The following GFM1 variants were observed in gnomAD, a reference collection of about 807,000 sequenced individuals.
GFM1 encodes the protein G elongation factor mitochondrial 1.
GFM1 carries 62 observed loss-of-function variants against 96.2 expected under a neutral mutation model. The ratio of observed to expected loss-of-function variants is 0.64; its 90% confidence interval spans 0.53 to 0.80. The LOEUF is 0.80. Among genes scored for constraint, GFM1 ranks in the 30% least tolerant of loss-of-function variants. The probability of loss-of-function intolerance (pLI) is 0.00; values close to 1 mark genes in which losing one functional copy is unlikely to be tolerated. For missense variants in GFM1, 852 were observed against 916.6 expected (o/e 0.93, Z 0.91); for synonymous variants, 282 against 312.9 (o/e 0.90, Z 1.04).
At chr3:158,676,526 A>G (rs1724911523) in intron 13 of GFM1, among the ~76,000 whole-genome samples, 1 of 152,156 alleles carries the variant, frequency 6.6e-6, no homozygotes, top group South Asian at 2.1e-4. Context: ...TTGTCAGAAT[A>G]TTACATTAAA....
At chr3:158,644,894 G>A in intron 1 of GFM1, 179 bp downstream of exon 1, 1 of 615,924 alleles carries the variant, frequency 1.6e-6, no homozygotes, top group South Asian at 1.9e-5. Context: ...TAGCTCGTTT[G>A]TTTCGCTCTC....
At position 158,693,921 on chromosome 3, in the gene GFM1, GC is replaced by G. The variant is rs747185910; in HGVS notation, c.*2457del. On this transcript the variant is annotated 3_prime_UTR_variant, in exon 18 of 18. Transcript: ENST00000486715. ...GAAATATTGCCTGCACTGCGCTTAA[GC>G]CCAAGACATGAAATGAAAAATCTGT... 3.9e-5 allele frequency among the ~76,000 whole-genome samples: 6 copies of G among 152,242 alleles called. No homozygotes were observed. The highest frequency in any genetic ancestry group is 7.4e-5 in the Non-Finnish European group (5 of 68,012).
intron 12 of GFM1, 147 bp from the exon 13 acceptor site, chr3:158,666,157 C>A: frequency 1.5e-6 from 1 of 655,738 alleles, no homozygotes; most frequent in Non-Finnish European, 2.7e-6. Flanking sequence ...GTATCACATA[C>A]CTAATCCTTA....
chr3:158,685,927 A>G (rs1055624280), intron 15 of GFM1, among the ~76,000 whole-genome samples: 3 of 152,140 alleles, frequency 2.0e-5, no homozygotes, highest in Non-Finnish European at 4.4e-5. Context: ...AAAACAAATT[A>G]GAAAGTACTG....
intron 10 of GFM1, 146 bp from the exon 11 acceptor site, chr3:158,662,482 A>G: frequency 1.6e-6 from 1 of 621,326 alleles, no homozygotes; most frequent in Non-Finnish European, 2.9e-6. Context: ...TGCAAAACAG[A>G]TCAAGATATA....
intron 8 of GFM1, chr3:158,655,994 C>T (rs1722722125): frequency 2.2e-6 from 1 of 446,260 alleles, no homozygotes; most frequent in Non-Finnish European, 4.5e-6. Context: ...TGTAGAGTGT[C>T]CCTCAATTTG....
rs756079956 is a variant in GFM1 at position 158,645,750 on chromosome 3, A to C, written c.203A>C (p.Tyr68Ser). 6 of 1,612,924 alleles carry C rather than the reference A, an allele frequency of 3.7e-6. No individual in the cohort carries two copies. In the South Asian group the frequency reaches 6.6e-5, roughly 18 times the overall value. ...ACTACATTAACAGAACGAGTCCTTT[A>C]CTACACTGGCAGAATTGCAAAGATG... is the stretch of plus-strand genomic sequence containing the variant. Reference protein sequence around the residue: ...GKTTLTERVLYYTGRIAKMHE... With the variant: ...GKTTLTERVLSYTGRIAKMHE... Residue 68 changes from tyrosine to serine, a missense_variant, in exon 2 of 18, where the codon TAC (tyrosine) becomes TCC (serine). Tyr to Ser is a moderately radical substitution (Grantham distance 144, BLOSUM62 -2). Coordinates refer to ENST00000486715, the MANE Select transcript of GFM1 (RefSeq NM_024996.7).
chr3:158,674,206 T>C (rs1296756757), intron 13 of GFM1, among the ~76,000 whole-genome samples: 1 of 151,350 alleles, frequency 6.6e-6, no homozygotes, highest in Non-Finnish European at 1.5e-5. Flanking sequence ...TCAGCCTCCC[T>C]AGTATCTGGG....
intron 2 of GFM1, 99 bp downstream of exon 2, chr3:158,645,880 A>G (rs982263060): frequency 5.2e-6 from 6 of 1,152,394 alleles, no homozygotes; most frequent in Non-Finnish European, 7.8e-6. Flanking sequence ...GATTAAAACA[A>G]TGGTAACAGC....
At chr3:158,672,381 T>C in intron 13 of GFM1, 2 of 1,613,994 alleles carry the variant, frequency 1.2e-6, no homozygotes, top group Non-Finnish European at 1.7e-6. Flanking sequence ...CTTCTGCACC[T>C]CAAACACCCT....
At position 158,652,208 on chromosome 3, in the gene GFM1, T is replaced by C. The variant is rs1576732256; in HGVS notation, c.802T>C (p.Phe268Leu). Residue 268 changes from phenylalanine to leucine, a missense_variant, in exon 6 of 18, where the codon TTT becomes CTT. By Grantham distance (22) the Phe-to-Leu change is conservative. Transcript: ENST00000486715. ...TTCAGATGAACAGCTTGGTGAGATG[T>C]TTCTGGAAGAAAAAATCCCCTCGAT... Reference protein sequence around the residue: ...ANSDEQLGEMFLEEKIPSISD... With the variant: ...ANSDEQLGEMLLEEKIPSISD... 6.2e-7 allele frequency: 1 copy of C among 1,614,144 alleles called. No homozygotes were observed. The highest frequency in any genetic ancestry group is 8.5e-7 in the Non-Finnish European group (1 of 1,180,000).
chr3:158,649,864 T>C, intron 5 of GFM1: 1 of 665,908 alleles, frequency 1.5e-6, no homozygotes, highest in Non-Finnish European at 2.6e-6. Context: ...TAGTTTGCAT[T>C]TCTGGAAGGT....
chr3:158,645,784 AT>A lies in GFM1; in HGVS notation c.234+4del. The A allele has an allele frequency of 1.2e-6, 2 of 1,608,074 alleles. No individual in the cohort carries two copies. The highest frequency in any genetic ancestry group is 1.7e-6 in the Non-Finnish European group (2 of 1,174,516). The stretch of plus-strand genomic sequence containing the variant: ...GCAGAATTGCAAAGATGCATGAGGT[AT>A]ATATTCACGGTTGATTCCGGATTAA... On this transcript the variant is annotated splice_donor_region_variant and intron_variant, in intron 2 of 17. Transcript: ENST00000486715.
At chr3:158,681,485 T>TA (rs1725377958) in intron 13 of GFM1, among the ~76,000 whole-genome samples, 1 of 152,222 alleles carries the variant, frequency 6.6e-6, no homozygotes, top group Non-Finnish European at 1.5e-5. Flanking sequence ...TTGCCACCGA[T>TA]CATTTTCAGA....
intron 10 of GFM1, among the ~76,000 whole-genome samples, 190 bp from the exon 11 acceptor site, chr3:158,662,438 T>C (rs190152414): frequency 5.5e-4 from 84 of 152,316 alleles, no homozygotes; most frequent in Admixed American, 4.5e-3. Context: ...GCTTTATTTA[T>C]TTATTAATAT....
chr3:158,693,491 C>T lies in GFM1; in HGVS notation c.*2024C>T, dbSNP rs1408350941. On this transcript the variant is annotated 3_prime_UTR_variant, in exon 18 of 18. Coordinates refer to ENST00000486715, the MANE Select transcript of GFM1 (RefSeq NM_024996.7). ...GCATTTCATAGGTAATGATTCAGGC[C>T]TAGCTGGTGGGAGTAATTAGAATAG... 1.3e-5 allele frequency: 2 copies of T among 152,132 alleles called. No homozygotes were observed. Among genetic ancestry groups the T allele is most frequent in the Non-Finnish European group, 2.9e-5 (2 of 68,036 alleles). The allele number at this position is 152,132 out of a possible 1,614,324, so 9.4% of individuals were successfully genotyped here. A position where few individuals can be genotyped will look rare whatever the true frequency, so the allele number is the denominator to read the frequency against.
intron 12 of GFM1, 46 bp from the exon 13 acceptor site, chr3:158,666,257 CG>C: frequency 7.3e-7 from 1 of 1,377,028 alleles, no homozygotes; most frequent in Non-Finnish European, 1.0e-6. Context: ...GGTTTTCTTT[CG>C]GTTTATTTTT....
intron 14 of GFM1, among the ~76,000 whole-genome samples, chr3:158,683,551 G>A (rs1231749827): frequency 6.6e-6 from 1 of 152,178 alleles, no homozygotes; most frequent in African/African-American, 2.4e-5. Context: ...TCTTACTGAC[G>A]TTTTGTAACA....
intron 13 of GFM1, chr3:158,672,503 C>G (rs2108070548): frequency 6.2e-7 from 1 of 1,612,944 alleles, no homozygotes; most frequent in South Asian, 1.1e-5. Flanking sequence ...GACTTCAGGG[C>G]TTGGGCTACT....
Sources: gnomAD v4.1 joint callset for allele counts (sites outside exome capture counted in the v4.1 genomes callset) on GRCh38, gnomAD v4.1.1 for gene constraint, MANE v1.5 for transcripts, NCBI Gene and HGNC (gene_info 2026-07-23, HGNC 2026-07-21) for gene names.